Variants in FBXL17 observed in about 807,000 individuals in gnomAD.
The protein encoded by FBXL17 is F-box and leucine rich repeat protein 17, also known as F-box/LRR-repeat protein 17.
A neutral mutation model predicts 66.2 loss-of-function variants in FBXL17; 22 were observed. The ratio of observed to expected loss-of-function variants is 0.33; its 90% CI spans 0.24 to 0.47. The LOEUF is 0.47. Among genes scored for constraint, FBXL17 ranks in the 20% least tolerant of loss-of-function variants. The pLI is 1.00. For synonymous variants in FBXL17, 474 were observed against 400.5 expected, an observed-to-expected ratio of 1.18 and a Z score of -2.19; for missense variants, 878 against 948.2, an observed-to-expected ratio of 0.93 and a Z score of 0.97.
intron 7 of FBXL17, among the ~76,000 whole-genome samples, chr5:107,955,558 C>T (rs555226003): frequency 3.9e-5 from 6 of 152,234 alleles, no homozygotes; most frequent in East Asian, 1.9e-4. Flanking sequence ...AGGTCGCAAT[C>T]GATCTGAAGC....
chr5:107,951,837 AC>A (rs1751508059), intron 7 of FBXL17, among the ~76,000 whole-genome samples: 1 of 152,250 alleles, frequency 6.6e-6, no homozygotes, highest in Non-Finnish European at 1.5e-5. Context: ...TCATAGATCA[AC>A]AGTAGCAACA....
rs139953728 is a variant in FBXL17 at position 108,182,072 on chromosome 5, C to T, written c.1745+4045G>A. Among the ~76,000 whole-genome samples the T allele has an allele frequency of 4.8e-3, 728 of 152,240 alleles. 2 individuals carry two copies. Among genetic ancestry groups the T allele is most frequent in the South Asian group, 0.013 (63 of 4,818 alleles). On this transcript the variant is annotated intron_variant, in intron 6 of 8. Coordinates refer to ENST00000542267, the MANE Select transcript of FBXL17 (RefSeq NM_001163315.3). Reference sequence around the variant, plus strand: ...GTAATAAAGGTTACTTTCGTCCCCTCGATCCTTACAAGGCTCACTATTATC... The same window carrying T: ...GTAATAAAGGTTACTTTCGTCCCCTTGATCCTTACAAGGCTCACTATTATC...
intron 7 of FBXL17, among the ~76,000 whole-genome samples, chr5:107,936,678 T>A (rs76825248): frequency 6.6e-6 from 1 of 152,268 alleles, no homozygotes; most frequent in Admixed American, 6.5e-5. Flanking sequence ...TACAGTGATC[T>A]GCTTGTGGAA....
intron 1 of FBXL17, among the ~76,000 whole-genome samples, 184 bp from the exon 2 acceptor site, chr5:108,368,137 C>T (rs895185825): frequency 2.0e-5 from 3 of 151,728 alleles, no homozygotes; most frequent in Non-Finnish European, 4.4e-5. Context: ...GAGCTAAAAA[C>T]GGACTGATGT....
chr5:107,962,950 A>C (rs768854019), intron 7 of FBXL17, among the ~76,000 whole-genome samples: 3 of 152,162 alleles, frequency 2.0e-5, no homozygotes, highest in Non-Finnish European at 4.4e-5. Flanking sequence ...AAGTTATATG[A>C]GTAATTTCAT....
chr5:108,107,259 A>G (rs988493632), intron 6 of FBXL17, among the ~76,000 whole-genome samples: 2 of 152,110 alleles, frequency 1.3e-5, no homozygotes, highest in Admixed American at 6.6e-5. Flanking sequence ...TTTAGTAGAG[A>G]CAGAGTTTCT....
At chr5:108,211,394 T>C (rs941209013) in intron 5 of FBXL17, among the ~76,000 whole-genome samples, 3 of 152,198 alleles carry the variant, frequency 2.0e-5, no homozygotes, top group Non-Finnish European at 4.4e-5. Flanking sequence ...CTTTTGCTCG[T>C]TAGTTGATGG....
At chr5:108,237,017 G>A (rs1755636375) in intron 4 of FBXL17, among the ~76,000 whole-genome samples, 1 of 152,108 alleles carries the variant, frequency 6.6e-6, no homozygotes, top group African/African-American at 2.4e-5. Context: ...CATGTAGTAG[G>A]TGGTAAAAAA....
intron 7 of FBXL17, among the ~76,000 whole-genome samples, chr5:108,018,756 C>T (rs1383255454): frequency 6.6e-6 from 1 of 152,028 alleles, no homozygotes; most frequent in African/African-American, 2.4e-5. Context: ...GAGGAAAGTC[C>T]ACAAAATTTT....
chr5:108,298,704 T>C (rs1758450912), intron 4 of FBXL17: 1 of 768,660 alleles, frequency 1.3e-6, no homozygotes, highest in Non-Finnish European at 1.6e-6. Context: ...TAAATAAAAG[T>C]ATCAAAGTCT....
At chr5:107,937,915 G>A (rs559732352) in intron 7 of FBXL17, among the ~76,000 whole-genome samples, 20 of 152,250 alleles carry the variant, frequency 1.3e-4, no homozygotes, top group Non-Finnish European at 2.4e-4. Flanking sequence ...TGCACTCACT[G>A]TAGCAACAAG....
intron 3 of FBXL17, among the ~76,000 whole-genome samples, chr5:108,363,724 C>T (rs1026037526): frequency 3.3e-5 from 5 of 151,940 alleles, no homozygotes; most frequent in Non-Finnish European, 5.9e-5. Flanking sequence ...GTCTGCTAAA[C>T]TACTACCTAT....
chr5:108,021,928 C>A (rs1754619594), intron 6 of FBXL17, among the ~76,000 whole-genome samples: 1 of 151,762 alleles, frequency 6.6e-6, no homozygotes, highest in South Asian at 2.1e-4. Flanking sequence ...TAATTTGATA[C>A]CTGTGTGCAT....
intron 4 of FBXL17, among the ~76,000 whole-genome samples, chr5:108,341,122 T>C (rs1746855824): frequency 6.6e-6 from 1 of 152,070 alleles, no homozygotes; most frequent in Admixed American, 6.6e-5. Flanking sequence ...CAATAGGAAA[T>C]GAATAACCCA....
At chr5:107,982,681 T>C (rs947437489) in intron 7 of FBXL17, among the ~76,000 whole-genome samples, 2 of 152,186 alleles carry the variant, frequency 1.3e-5, no homozygotes, top group Admixed American at 1.3e-4. Context: ...TAATGTCATG[T>C]TAAGAAATGG....
At chr5:108,144,328 T>C (rs1751475891) in intron 6 of FBXL17, among the ~76,000 whole-genome samples, 2 of 152,142 alleles carry the variant, frequency 1.3e-5, no homozygotes, top group Non-Finnish European at 2.9e-5. Flanking sequence ...AAACGGTAAA[T>C]TATTTGGGCC....
At chr5:108,297,768 A>C in intron 4 of FBXL17, 1 of 707,894 alleles carries the variant, frequency 1.4e-6, no homozygotes, top group Non-Finnish European at 1.7e-6. Flanking sequence ...ATAACAAATT[A>C]AGAAATAATT....
chr5:108,290,864 G>A (rs1053371795), intron 4 of FBXL17, among the ~76,000 whole-genome samples: 6 of 151,996 alleles, frequency 3.9e-5, no homozygotes, highest in African/African-American at 7.2e-5. Context: ...AAGTATATAC[G>A]GTGATTCAAT....
chr5:108,209,362 G>A (rs1754266592), intron 5 of FBXL17, among the ~76,000 whole-genome samples: 1 of 152,148 alleles, frequency 6.6e-6, no homozygotes, highest in South Asian at 2.1e-4. Flanking sequence ...GAGGAGTGGT[G>A]AGAGAGGGCA....
Sources: gnomAD v4.1 joint callset for allele counts (sites outside exome capture counted in the v4.1 genomes callset) on GRCh38, gnomAD v4.1.1 for gene constraint, MANE v1.5 for transcripts, NCBI Gene and HGNC (gene_info 2026-07-23, HGNC 2026-07-21) for gene names.